Variants in ARID2 observed in about 807,000 individuals in gnomAD.
ARID2 encodes AT-rich interactive domain-containing protein 2.
In ARID2, 32 loss-of-function variants were observed where a neutral mutation model predicts 184.6. The ratio of observed to expected loss-of-function variants is 0.17; its 90% CI spans 0.13 to 0.23. ARID2 has a LOEUF of 0.23. Among genes scored for constraint, ARID2 ranks in the 10% least tolerant of loss-of-function variants. The probability of loss-of-function intolerance (pLI) is 1.00; values close to 1 mark genes in which losing one functional copy is unlikely to be tolerated. For missense variants in ARID2, 1,696 were observed against 2,197.6 expected, an observed-to-expected ratio of 0.77 and a Z score of 4.56; for synonymous variants, 836 against 772.6, an observed-to-expected ratio of 1.08 and a Z score of -1.36.
intron 6 of ARID2, among the ~76,000 whole-genome samples, chr12:45,822,009 T>C (rs891323569): frequency 6.6e-6 from 1 of 152,218 alleles, no homozygotes; most frequent in Non-Finnish European, 1.5e-5. Flanking sequence ...TGTCTAACTT[T>C]GCTGGCTTTC....
chr12:45,800,298 C>T (rs1942472706), intron 3 of ARID2, among the ~76,000 whole-genome samples: 1 of 152,046 alleles, frequency 6.6e-6, no homozygotes, highest in African/African-American at 2.4e-5. Flanking sequence ...AAATACTATA[C>T]CATTTATCTG....
intron 3 of ARID2, among the ~76,000 whole-genome samples, chr12:45,764,686 C>T (rs1941740694): frequency 6.6e-6 from 1 of 152,222 alleles, no homozygotes; most frequent in East Asian, 1.9e-4. Flanking sequence ...GTGCCTCTAT[C>T]AGAATTCATT....
At chr12:45,872,608 A>G (rs535210486) in intron 16 of ARID2, among the ~76,000 whole-genome samples, 1 of 152,320 alleles carries the variant, frequency 6.6e-6, no homozygotes, top group South Asian at 2.1e-4. Flanking sequence ...AAGAGGGGAA[A>G]AGTCCCTTAT....
At chr12:45,880,582 A>C (rs1447861543) in intron 16 of ARID2, among the ~76,000 whole-genome samples, 2 of 152,190 alleles carry the variant, frequency 1.3e-5, no homozygotes, top group Admixed American at 6.5e-5. Flanking sequence ...CCTGAACCTC[A>C]GTTGCCTCAT....
chr12:45,759,645 A>T (rs1190443947), intron 3 of ARID2, among the ~76,000 whole-genome samples: 1 of 152,182 alleles, frequency 6.6e-6, no homozygotes, highest in African/African-American at 2.4e-5. Flanking sequence ...ATGTAAACAC[A>T]TACCTAGGAA....
In ARID2 at chr12:45,850,899, G is replaced by A. The variant is rs766416912; in HGVS notation, c.2776G>A (p.Val926Ile). Residue 926 changes from valine to isoleucine, a missense_variant, in exon 15 of 21, where the codon GTA becomes ATA. Transcript: ENST00000334344. ...ACCACAGCAGCCAACCCAACAAAGC[G>A]TAGTGATTGTAAGCCAGCCAGCTCA... is the stretch of plus-strand genomic sequence containing the variant. ...QQPQQPTQQS[V>I]VIVSQPAQQG... The A allele has an allele frequency of 2.4e-5, 39 of 1,613,966 alleles. No individual in the cohort carries two copies. Among genetic ancestry groups the A allele is most frequent in the East Asian group, 6.7e-5 (3 of 44,888 alleles).
intron 13 of ARID2, 78 bp from the exon 14 acceptor site, chr12:45,849,502 C>A: frequency 8.7e-7 from 1 of 1,149,948 alleles, no homozygotes; most frequent in Non-Finnish European, 1.2e-6. Flanking sequence ...AAACATACTG[C>A]TGTTGTTCAT....
intron 16 of ARID2, among the ~76,000 whole-genome samples, chr12:45,886,037 C>A (rs1944182172): frequency 6.6e-6 from 1 of 152,164 alleles, no homozygotes; most frequent in Non-Finnish European, 1.5e-5. Context: ...TGAGCTCATT[C>A]CATCATTAAC....
intron 3 of ARID2, among the ~76,000 whole-genome samples, chr12:45,785,907 A>G (rs904675606): frequency 2.6e-5 from 4 of 152,138 alleles, no homozygotes; most frequent in East Asian, 1.9e-4. Flanking sequence ...GTGGTCCCCA[A>G]CCTCTGGGCC....
At chr12:45,819,589 T>G (rs1335158452) in intron 5 of ARID2, among the ~76,000 whole-genome samples, 2 of 152,280 alleles carry the variant, frequency 1.3e-5, no homozygotes, top group East Asian at 3.9e-4. Flanking sequence ...ATGCCACTTC[T>G]TTTAGAAAGT....
intron 12 of ARID2, 100 bp from the exon 13 acceptor site, chr12:45,848,736 T>C: frequency 1.0e-6 from 1 of 982,098 alleles, no homozygotes; most frequent in Non-Finnish European, 1.4e-6. Context: ...GTAGGTATAA[T>C]TATTAGTTTT....
chr12:45,765,066 A>T (rs980239076), intron 3 of ARID2, among the ~76,000 whole-genome samples: 1 of 152,144 alleles, frequency 6.6e-6, no homozygotes, highest in Non-Finnish European at 1.5e-5. Context: ...ATAATATCTC[A>T]TTGTTCTTTT....
chr12:45,855,337 G>A (rs1943627674), intron 15 of ARID2, among the ~76,000 whole-genome samples: 1 of 152,196 alleles, frequency 6.6e-6, no homozygotes, highest in African/African-American at 2.4e-5. Context: ...AAAGGATGTA[G>A]TTTATTTAAA....
rs2138178626 is a variant in ARID2, at chr12:45,852,414, A to G, written c.4291A>G (p.Ile1431Val). The G allele has an allele frequency of 6.2e-7, 1 of 1,614,186 alleles. No homozygotes were observed. Among genetic ancestry groups the G allele is most frequent in the Non-Finnish European group, 8.5e-7 (1 of 1,179,996 alleles). ...TTTGGGTGGTTCATCTGTGAGCAGT[A>G]TACAGGAGGCTTCAAATGCGGCAAC... is the stretch of plus-strand genomic sequence containing the variant. ...LTLGGSSVSSIQEASNAATQQ... is the reference protein window; with the variant it reads ...LTLGGSSVSSVQEASNAATQQ... Residue 1431 changes from isoleucine to valine, a missense_variant, in exon 15 of 21, where the codon ATA becomes GTA. Around this residue, in one of 11 missense-constraint regions of ARID2, gnomAD observed 428 missense variants for 409.1 expected, o/e 1.05. Coordinates refer to ENST00000334344, the MANE Select transcript of ARID2 (RefSeq NM_152641.4).
chr12:45,833,799 G>T (rs936750094), intron 6 of ARID2, among the ~76,000 whole-genome samples: 3 of 152,068 alleles, frequency 2.0e-5, no homozygotes, highest in African/African-American at 7.2e-5. Flanking sequence ...TCTTATAATT[G>T]TTCTCTCCAG....
chr12:45,820,851 C>T (rs767370658), intron 5 of ARID2, among the ~76,000 whole-genome samples: 3 of 151,988 alleles, frequency 2.0e-5, no homozygotes, highest in Admixed American at 6.6e-5. Flanking sequence ...AAGAAGCTTA[C>T]GAAAACAGAT....
chr12:45,890,521 C>A (rs1016048142), intron 16 of ARID2, among the ~76,000 whole-genome samples: 1 of 152,160 alleles, frequency 6.6e-6, no homozygotes, highest in Admixed American at 6.5e-5. Flanking sequence ...GAACTCAAAT[C>A]ATATTTCATA....
intron 6 of ARID2, among the ~76,000 whole-genome samples, chr12:45,822,079 A>G (rs1330459320): frequency 6.6e-6 from 1 of 152,216 alleles, no homozygotes; most frequent in Non-Finnish European, 1.5e-5. Context: ...TAGTATTACT[A>G]TTAATAGAAC....
intron 16 of ARID2, among the ~76,000 whole-genome samples, chr12:45,867,856 G>T (rs968883857): frequency 1.3e-5 from 2 of 151,732 alleles, no homozygotes; most frequent in African/African-American, 4.8e-5. Context: ...CTCACAAAGG[G>T]TTGGGATTAC....
Sources: gnomAD v4.1 joint callset for allele counts (sites outside exome capture counted in the v4.1 genomes callset) on GRCh38, gnomAD v4.1.1 for gene constraint, gnomAD v4.1.1 regional missense constraint, MANE v1.5 for transcripts, NCBI Gene and HGNC (gene_info 2026-07-23, HGNC 2026-07-21) for gene names.